The following LARP4 variants were observed in gnomAD, a reference collection of about 807,000 sequenced individuals.
The protein encoded by LARP4 is la-related protein 4.
In LARP4, 29 loss-of-function variants were observed where a neutral mutation model predicts 92.9. The ratio of observed to expected loss-of-function variants is 0.31; its 90% CI spans 0.23 to 0.43. LARP4 has a LOEUF of 0.43. Among genes scored for constraint, LARP4 ranks in the 20% least tolerant of loss-of-function variants. The pLI is 1.00. For synonymous variants in LARP4, 279 were observed against 284.1 expected (o/e 0.98, Z 0.18); for missense variants, 732 against 860.0 (o/e 0.85, Z 1.86).
intron 1 of LARP4, among the ~76,000 whole-genome samples, chr12:50,425,960 G>A (rs538628611): frequency 5.1e-4 from 77 of 152,016 alleles, no homozygotes; most frequent in Admixed American, 4.5e-3. Context: ...TCTTTCTTCC[G>A]TTTAATTCCA....
chr12:50,444,666 CTG>C (rs1309089727), intron 8 of LARP4, among the ~76,000 whole-genome samples: 1 of 152,010 alleles, frequency 6.6e-6, no homozygotes, highest in Non-Finnish European at 1.5e-5. Flanking sequence ...TTCTAAAGTT[CTG>C]TGATTTAGAA....
In LARP4 at chr12:50,428,933, AG is replaced by A; in HGVS notation, c.167del. On this transcript the variant is annotated splice_acceptor_variant, in intron 2 of 15. Coordinates refer to ENST00000398473, the MANE Select transcript of LARP4 (RefSeq NM_052879.5). LOFTEE classifies it high-confidence loss of function. The stretch of plus-strand genomic sequence containing the variant: ...TACTTTCAGTGTCTGTCTTTAATAC[AG>A]GTAATGCAGAGCTCTCAGAAGATAT... 1 of 1,570,298 alleles carries A rather than the reference AG, an allele frequency of 6.4e-7. No individual in the cohort carries two copies. Among genetic ancestry groups the A allele is most frequent in the Non-Finnish European group, 8.6e-7 (1 of 1,159,758 alleles).
In LARP4 at chr12:50,401,026, G is replaced by A. The variant is rs1197583403; in HGVS notation, c.16G>A (p.Glu6Lys). The A allele has an allele frequency of 6.2e-7, 1 of 1,614,172 alleles. No individual in the cohort carries two copies. Among genetic ancestry groups the A allele is most frequent in the Middle Eastern group, 1.6e-4 (1 of 6,062 alleles). MLLFV[E>K]QVASKGTGLN... The stretch of plus-strand genomic sequence containing the variant: ...AGAGGACGACATGTTGCTTTTCGTG[G>A]AGGTGAGTGCATTATGCTAGTCTCG... The change falls in exon 1 of 16, where the codon GAG becomes AAG. Residue 6 changes from glutamate (E) to lysine (K), a missense_variant and splice_region_variant. Glu to Lys is a moderately conservative substitution (Grantham distance 56). Around this residue, in one of 7 missense-constraint regions of LARP4, gnomAD observed 236 missense variants for 307.6 expected, o/e 0.77. Coordinates refer to ENST00000398473, the MANE Select transcript of LARP4 (RefSeq NM_052879.5).
At chr12:50,414,985 A>T (rs75209674) in intron 1 of LARP4, among the ~76,000 whole-genome samples, 16,523 of 151,992 alleles carry the variant, frequency 0.11, 1,764 homozygotes, top group East Asian at 0.45. Context: ...CAGGGAGATC[A>T]TGGGGTCAGG....
chr12:50,405,378 C>T (rs1032063138), intron 1 of LARP4, among the ~76,000 whole-genome samples: 1 of 152,140 alleles, frequency 6.6e-6, no homozygotes, highest in Non-Finnish European at 1.5e-5. Flanking sequence ...TATCAAGTTA[C>T]TTAAAACTTG....
intron 1 of LARP4, among the ~76,000 whole-genome samples, chr12:50,404,200 C>G (rs1333171576): frequency 6.6e-6 from 1 of 152,094 alleles, no homozygotes; most frequent in Non-Finnish European, 1.5e-5. Flanking sequence ...ACACTCCAGC[C>G]TGGACAACAG....
intron 8 of LARP4, among the ~76,000 whole-genome samples, chr12:50,450,624 G>A (rs1036107233): frequency 1.3e-5 from 2 of 151,906 alleles, no homozygotes; most frequent in Non-Finnish European, 2.9e-5. Context: ...TCAACCTCCC[G>A]AGTAGCTGGG....
intron 8 of LARP4, among the ~76,000 whole-genome samples, chr12:50,452,567 C>G (rs917298696): frequency 9.9e-5 from 15 of 152,174 alleles, no homozygotes; most frequent in Non-Finnish European, 2.1e-4. Flanking sequence ...ACAAAAGTTC[C>G]CTTTTCTCCA....
intron 1 of LARP4, 159 bp downstream of exon 1, chr12:50,401,187 C>A: frequency 1.3e-6 from 1 of 776,870 alleles, no homozygotes; most frequent in Non-Finnish European, 2.2e-6. Context: ...CAGCTTCCCT[C>A]TGCGCGCTCA....
intron 1 of LARP4, among the ~76,000 whole-genome samples, chr12:50,411,786 TTCTCCTGCC>T (rs1344640747): frequency 6.6e-6 from 1 of 152,130 alleles, no homozygotes; most frequent in African/African-American, 2.4e-5. Flanking sequence ...GTTCAAGTGA[TTCTCCTGCC>T]TCAGCGTCCC....
intron 8 of LARP4, among the ~76,000 whole-genome samples, chr12:50,442,659 T>C (rs543008241): frequency 1.3e-5 from 2 of 152,306 alleles, no homozygotes; most frequent in Admixed American, 1.3e-4. Context: ...TGTGTGTCAC[T>C]TTCTGTTTTA....
Position 50,479,249 on chromosome 12 carries a change from G to C in LARP4, c.*3385G>C, listed in dbSNP as rs1957729805. On this transcript the variant is annotated 3_prime_UTR_variant, in exon 16 of 16. Coordinates refer to ENST00000398473, the MANE Select transcript of LARP4 (RefSeq NM_052879.5). ...GGTTAAGTCTCTGGTATTTAGGCTGGCAATATATATATTAACCATATTTTA... is the reference window on the plus strand; with the variant it reads ...GGTTAAGTCTCTGGTATTTAGGCTGCCAATATATATATTAACCATATTTTA... The C allele has an allele frequency of 6.6e-6, 1 of 152,466 alleles. No homozygotes were observed. The highest frequency in any genetic ancestry group is 1.5e-5 in the Non-Finnish European group (1 of 67,990). 9.4% of individuals were successfully genotyped at this position (152,466 alleles called of 1,614,324 possible). A position where few individuals can be genotyped will look rare whatever the true frequency, so the allele number is the denominator to read the frequency against.
chr12:50,420,152 C>G (rs1947489063), intron 1 of LARP4, among the ~76,000 whole-genome samples: 1 of 151,896 alleles, frequency 6.6e-6, no homozygotes. Context: ...AAAAGTTGAT[C>G]AGATAGATTT....
At chr12:50,418,050 G>A (rs1224083354) in intron 1 of LARP4, among the ~76,000 whole-genome samples, 2 of 152,182 alleles carry the variant, frequency 1.3e-5, no homozygotes, top group Admixed American at 1.3e-4. Flanking sequence ...TAGTAGAGAC[G>A]GGGTTTCACC....
rs1340415975 is a variant in LARP4, at chr12:50,476,010, G to A, written c.*146G>A. ...TTCATTATGGATTTTGGAGTTGTGA[G>A]TGATAGGATCCCAAAATTCATCTCT... On this transcript the variant is annotated 3_prime_UTR_variant, in exon 16 of 16. Coordinates refer to ENST00000398473, the MANE Select transcript of LARP4 (RefSeq NM_052879.5). 3.1e-6 allele frequency: 2 copies of A among 643,258 alleles called. No individual in the cohort carries two copies. The highest frequency in any genetic ancestry group is 6.2e-5 in the Admixed American group (2 of 32,176). The allele number at this position is 643,258 out of a possible 1,614,324, so 39.8% of individuals were successfully genotyped here.
chr12:50,468,329 C>T (rs1252445225), intron 13 of LARP4, among the ~76,000 whole-genome samples: 2 of 147,440 alleles, frequency 1.4e-5, no homozygotes, highest in African/African-American at 2.5e-5. Flanking sequence ...GAGTCTCGCT[C>T]GTAGCCCAGG....
chr12:50,417,395 A>G lies in LARP4; in HGVS notation c.19-10367A>G, dbSNP rs953950117. Among the ~76,000 whole-genome samples, 4 of 152,178 alleles carry G rather than the reference A, an allele frequency of 2.6e-5. No individual in the cohort carries two copies. In the East Asian group the frequency reaches 7.7e-4, roughly 29 times the overall value. ...GTCTCAAAAAAAAAAAAGAAAAAAA[A>G]GAAAATTGCTACTTATACGTTCTTA... On this transcript the variant is annotated intron_variant, in intron 1 of 15. Transcript: ENST00000398473.
intron 8 of LARP4, 119 bp from the exon 9 acceptor site, chr12:50,453,341 T>C: frequency 3.5e-6 from 2 of 564,718 alleles, no homozygotes; most frequent in Non-Finnish European, 6.2e-6. Context: ...TTTGCTCTAC[T>C]GATTCTACTG....
At chr12:50,458,068 G>A (rs1954649531) in intron 10 of LARP4, among the ~76,000 whole-genome samples, 1 of 151,364 alleles carries the variant, frequency 6.6e-6, no homozygotes, top group South Asian at 2.1e-4. Context: ...TAGTAGCTGG[G>A]ACTACAGGCG....
Sources: allele counts gnomAD v4.1 joint callset (sites outside exome capture counted in the v4.1 genomes callset), GRCh38; gene constraint gnomAD v4.1.1; regional missense constraint gnomAD v4.1.1; transcripts MANE v1.5; gene names NCBI Gene and HGNC (gene_info 2026-07-23, HGNC 2026-07-21).